PCDH15: variants seen among roughly 807,000 people sequenced by gnomAD.
PCDH15 encodes the protein protocadherin related 15.
A neutral mutation model predicts 178.5 loss-of-function variants in PCDH15; 129 were observed. The ratio of observed to expected loss-of-function variants is 0.72; its 90% CI spans 0.63 to 0.84. The LOEUF is 0.84. Among genes scored for constraint, PCDH15 ranks in the 40% least tolerant of loss-of-function variants. The pLI is 0.00. For missense variants in PCDH15, 2,230 were observed against 2,099.9 expected, an observed-to-expected ratio of 1.06 and a Z score of -1.21; for synonymous variants, 800 against 732.0, an observed-to-expected ratio of 1.09 and a Z score of -1.50.
chr10:54,924,399 AAATATACACATGC>A (rs1837565773), intron 2 of PCDH15, among the ~76,000 whole-genome samples: 1 of 138,110 alleles, frequency 7.2e-6, no homozygotes, highest in African/African-American at 2.5e-5. Flanking sequence ...CTACAGAACT[AAATATACACATGC>A]ATGTGTCTTT....
intron 18 of PCDH15, among the ~76,000 whole-genome samples, chr10:54,049,897 G>A (rs2093731625): frequency 6.6e-6 from 1 of 152,194 alleles, no homozygotes; most frequent in Non-Finnish European, 1.5e-5. Flanking sequence ...GGGATTACAG[G>A]TGTGAGCCAT....
At chr10:54,365,646 G>C (rs967035120) in intron 5 of PCDH15, among the ~76,000 whole-genome samples, 1 of 151,990 alleles carries the variant, frequency 6.6e-6, no homozygotes, top group Non-Finnish European at 1.5e-5. Context: ...CATCACTGTC[G>C]AGAAAGATTT....
chr10:53,915,953 G>T (rs1489498681), intron 25 of PCDH15, among the ~76,000 whole-genome samples: 1 of 152,130 alleles, frequency 6.6e-6, no homozygotes, highest in Non-Finnish European at 1.5e-5. Context: ...ATCTGTGGGG[G>T]ATTGGTCCCA....
At chr10:53,821,138 G>A (rs1054796026) in intron 32 of PCDH15, 3 of 978,390 alleles carry the variant, frequency 3.1e-6, no homozygotes, top group Non-Finnish European at 3.6e-6. Context: ...AAGAAGGGAA[G>A]GGAAAGCACA....
intron 2 of PCDH15, among the ~76,000 whole-genome samples, chr10:55,500,055 T>C (rs953245986): frequency 6.6e-6 from 1 of 151,748 alleles, no homozygotes; most frequent in Admixed American, 6.6e-5. Flanking sequence ...AAGAGTCATA[T>C]GAAATTATGA....
intron 2 of PCDH15, among the ~76,000 whole-genome samples, chr10:55,485,318 G>A (rs1840272713): frequency 6.6e-6 from 1 of 151,586 alleles, no homozygotes; most frequent in African/African-American, 2.4e-5. Flanking sequence ...CTAAGTGTGT[G>A]GGAGTTATTT....
At chr10:54,517,024 AC>A in intron 3 of PCDH15, among the ~76,000 whole-genome samples, 1 of 152,258 alleles carries the variant, frequency 6.6e-6, no homozygotes, top group South Asian at 2.1e-4. Flanking sequence ...AGATTTTGTC[AC>A]CACCAGGCCT....
intron 13 of PCDH15, among the ~76,000 whole-genome samples, chr10:54,163,210 A>G (rs1564571114): frequency 6.6e-6 from 1 of 152,146 alleles, no homozygotes; most frequent in Non-Finnish European, 1.5e-5. Context: ...TATCATATAT[A>G]CTTAGAGGAA....
intron 1 of PCDH15, among the ~76,000 whole-genome samples, chr10:54,739,830 A>G (rs574936454): frequency 1.3e-5 from 2 of 152,206 alleles, no homozygotes; most frequent in South Asian, 4.1e-4. Flanking sequence ...AGATAGCCAC[A>G]TGCAGAACAA....
rs77112779 is a variant in PCDH15, at chr10:54,743,032, G to A, written c.-29+57893C>T. Among the ~76,000 whole-genome samples the A allele has an allele frequency of 7.4e-4, 112 of 152,082 alleles. 1 individual carries two copies. The East Asian group carries it at 0.013, about 17-fold the overall frequency. On this transcript the variant is annotated intron_variant, in intron 1 of 37. Transcript: ENST00000644397. ...GGGATAGGTGTCCACAACACAGTGC[G>A]GAGTGTTTAAAAGAGAGCCATACAA...
chr10:54,347,446 A>G (rs1484581840), intron 5 of PCDH15, among the ~76,000 whole-genome samples: 2 of 152,116 alleles, frequency 1.3e-5, no homozygotes, highest in East Asian at 3.9e-4. Flanking sequence ...GCACTTCATC[A>G]ATAAACATAA....
At chr10:55,207,882 T>C (rs1480647606) in intron 1 of PCDH15, among the ~76,000 whole-genome samples, 1 of 152,190 alleles carries the variant, frequency 6.6e-6, no homozygotes. Flanking sequence ...GTCAGGAGAA[T>C]CACTTGAACC....
At chr10:54,162,911 G>A (rs1289084648) in intron 13 of PCDH15, among the ~76,000 whole-genome samples, 1 of 152,080 alleles carries the variant, frequency 6.6e-6, no homozygotes. Flanking sequence ...TGGTTTCCTA[G>A]TATGACAGAG....
At chr10:54,894,920 T>C (rs1954521594) in intron 3 of PCDH15, among the ~76,000 whole-genome samples, 1 of 152,180 alleles carries the variant, frequency 6.6e-6, no homozygotes, top group Non-Finnish European at 1.5e-5. Context: ...TTTTCATTTA[T>C]CTGCTACTGA....
chr10:55,292,677 C>T (rs758893712), intron 1 of PCDH15, among the ~76,000 whole-genome samples: 3 of 152,266 alleles, frequency 2.0e-5, no homozygotes, highest in South Asian at 4.2e-4. Context: ...CCACCACACC[C>T]GTCCCAGGCA....
intron 2 of PCDH15, among the ~76,000 whole-genome samples, chr10:55,440,444 A>G (rs1839154011): frequency 6.6e-6 from 1 of 152,204 alleles, no homozygotes; most frequent in Non-Finnish European, 1.5e-5. Context: ...TATATAACTA[A>G]CAATTCAGAA....
intron 1 of PCDH15, among the ~76,000 whole-genome samples, chr10:54,680,081 G>T (rs1177595991): frequency 3.9e-5 from 6 of 152,090 alleles, no homozygotes; most frequent in Non-Finnish European, 7.4e-5. Context: ...TACAGATTTT[G>T]CTCATTTGTA....
chr10:55,180,202 A>C (rs1420239104), intron 1 of PCDH15, among the ~76,000 whole-genome samples: 1 of 152,062 alleles, frequency 6.6e-6, no homozygotes, highest in Non-Finnish European at 1.5e-5. Flanking sequence ...CAAAGTAAAG[A>C]GAGAGAAAAT....
chr10:54,424,958 T>C (rs981221654), intron 3 of PCDH15, among the ~76,000 whole-genome samples: 1 of 148,276 alleles, frequency 6.7e-6, no homozygotes, highest in African/African-American at 2.5e-5. Flanking sequence ...TGTATATATA[T>C]GTAACAAACC....
Sources: allele counts gnomAD v4.1 joint callset (sites outside exome capture counted in the v4.1 genomes callset), GRCh38; gene constraint gnomAD v4.1.1; transcripts MANE v1.5; gene names NCBI Gene and HGNC (gene_info 2026-07-23, HGNC 2026-07-21).